SBF2: variants seen among roughly 807,000 people sequenced by gnomAD.
SBF2 encodes SET binding factor 2, also known as myotubularin-related protein 13.
A neutral mutation model predicts 225.2 loss-of-function variants in SBF2; 112 were observed. That is an observed-to-expected ratio of 0.50 (90% confidence interval 0.43 to 0.58). SBF2 has a LOEUF of 0.58. SBF2 is among the 20% of genes least tolerant of loss of function. The probability of loss-of-function intolerance (pLI) is 0.00; values close to 1 mark genes in which losing one functional copy is unlikely to be tolerated. For synonymous variants in SBF2, 763 were observed against 773.3 expected (o/e 0.99, Z 0.22); for missense variants, 1,996 against 2,206.2 (o/e 0.90, Z 1.91).
At chr11:9,959,224 G>T in intron 16 of SBF2, 1 of 776,882 alleles carries the variant, frequency 1.3e-6, no homozygotes, top group Non-Finnish European at 2.4e-6. Flanking sequence ...CATGACCTCA[G>T]CATTAGTCCC....
rs533328520 is a variant in SBF2, at chr11:10,030,205, C to CA, written c.403-331dup. 8.8e-3 allele frequency among the ~76,000 whole-genome samples: 1,346 copies of CA among 152,252 alleles called. 10 individuals carry two copies. The highest frequency in any genetic ancestry group is 0.027 in the South Asian group (131 of 4,820). On this transcript the variant is annotated intron_variant, in intron 4 of 39. Coordinates refer to ENST00000256190, the MANE Select transcript of SBF2 (RefSeq NM_030962.4). ...GTCTGTTAAACTCTAAATCTCAAGA[C>CA]AAAAACTTAGAAATTTTATCTTGTT...
chr11:10,103,676 T>C (rs762963038), intron 2 of SBF2, among the ~76,000 whole-genome samples: 2 of 152,224 alleles, frequency 1.3e-5, no homozygotes, highest in African/African-American at 2.4e-5. Context: ...TCTGATAACT[T>C]TGAAGATGGC....
At chr11:9,930,083 C>T (rs1864371118) in intron 16 of SBF2, among the ~76,000 whole-genome samples, 1 of 151,876 alleles carries the variant, frequency 6.6e-6, no homozygotes, top group South Asian at 2.1e-4. Context: ...CAGCAAACAA[C>T]CATGGCACAC....
At chr11:10,052,320 AC>A (rs1950093740) in intron 2 of SBF2, among the ~76,000 whole-genome samples, 1 of 152,172 alleles carries the variant, frequency 6.6e-6, no homozygotes, top group Non-Finnish European at 1.5e-5. Flanking sequence ...CCGTTTTGAT[AC>A]CTGCATGAGT....
intron 2 of SBF2, among the ~76,000 whole-genome samples, chr11:10,168,826 G>C (rs1376294085): frequency 1.3e-5 from 2 of 152,002 alleles, no homozygotes; most frequent in African/African-American, 4.8e-5. Flanking sequence ...AGAAGTCTCA[G>C]GAAAAACAGT....
chr11:10,036,397 A>G (rs1390681820), intron 3 of SBF2, among the ~76,000 whole-genome samples: 29 of 152,210 alleles, frequency 1.9e-4, no homozygotes, highest in Non-Finnish European at 2.9e-5. Context: ...TGTACCCCAG[A>G]ACTTAAAGTA....
chr11:10,016,444 A>C (rs1351199359), intron 6 of SBF2: 1 of 152,108 alleles, frequency 6.6e-6, no homozygotes, highest in African/African-American at 2.4e-5. Flanking sequence ...TAAATTCTTT[A>C]TTCTTAAATG....
At chr11:9,931,803 C>T (rs944407665) in intron 16 of SBF2, among the ~76,000 whole-genome samples, 12 of 152,162 alleles carry the variant, frequency 7.9e-5, no homozygotes, top group African/African-American at 2.9e-4. Flanking sequence ...CAGAAGTAGG[C>T]TTCAGAAGGT....
intron 32 of SBF2, among the ~76,000 whole-genome samples, chr11:9,797,711 T>G (rs1853212488): frequency 6.6e-6 from 1 of 152,218 alleles, no homozygotes; most frequent in Non-Finnish European, 1.5e-5. Context: ...GGCTCACGCC[T>G]GTAATCCCAG....
intron 6 of SBF2, among the ~76,000 whole-genome samples, chr11:10,009,884 A>G (rs1310685523): frequency 6.6e-6 from 1 of 152,166 alleles, no homozygotes; most frequent in African/African-American, 2.4e-5. Flanking sequence ...AGTGTAAAAG[A>G]ATTCCTATTT....
At chr11:10,010,041 A>G (rs1030270294) in intron 6 of SBF2, among the ~76,000 whole-genome samples, 6 of 152,168 alleles carry the variant, frequency 3.9e-5, no homozygotes, top group African/African-American at 1.4e-4. Flanking sequence ...GGACACATAA[A>G]TGCCTTCCTT....
chr11:10,122,490 C>G (rs1953516320), intron 2 of SBF2, among the ~76,000 whole-genome samples: 1 of 152,164 alleles, frequency 6.6e-6, no homozygotes, highest in Non-Finnish European at 1.5e-5. Context: ...AATTATGAGA[C>G]TTTTCCAACA....
chr11:10,055,047 G>A (rs1950202869), intron 2 of SBF2, among the ~76,000 whole-genome samples: 1 of 151,950 alleles, frequency 6.6e-6, no homozygotes, highest in Non-Finnish European at 1.5e-5. Flanking sequence ...AACTATAGGC[G>A]TGCACCACCA....
chr11:10,016,986 A>G (rs569904571), intron 6 of SBF2: 4 of 152,338 alleles, frequency 2.6e-5, no homozygotes, highest in Admixed American at 2.0e-4. Context: ...AAAGCTGCAC[A>G]ATAACACGGG....
intron 2 of SBF2, among the ~76,000 whole-genome samples, chr11:10,193,136 T>G (rs548377876): frequency 1.3e-5 from 2 of 152,268 alleles, no homozygotes; most frequent in South Asian, 4.1e-4. Context: ...GATTTTAAGA[T>G]CAAATTCAAG....
intron 2 of SBF2, among the ~76,000 whole-genome samples, chr11:10,055,524 T>TACACAC (rs3993326): frequency 1.1e-3 from 153 of 133,850 alleles, no homozygotes; most frequent in East Asian, 8.1e-3. Context: ...AAGAAAATGA[T>TACACAC]ACACACACAC....
intron 16 of SBF2, chr11:9,958,818 C>A: frequency 1.8e-6 from 1 of 564,028 alleles, no homozygotes; most frequent in South Asian, 1.7e-5. Flanking sequence ...GAAAATGGGT[C>A]ACAGTCGGCA....
intron 3 of SBF2, among the ~76,000 whole-genome samples, chr11:10,039,080 A>G (rs1384493658): frequency 6.6e-6 from 1 of 151,838 alleles, no homozygotes; most frequent in Admixed American, 6.6e-5. Flanking sequence ...TGTATCTTGG[A>G]AAGATAACAG....
chr11:10,113,494 A>G (rs1952978551), intron 2 of SBF2, among the ~76,000 whole-genome samples: 1 of 152,196 alleles, frequency 6.6e-6, no homozygotes, highest in Non-Finnish European at 1.5e-5. Flanking sequence ...ACTTCTAAAT[A>G]TTTTAAAAAC....
Sources: allele counts gnomAD v4.1 joint callset (sites outside exome capture counted in the v4.1 genomes callset), GRCh38; gene constraint gnomAD v4.1.1; transcripts MANE v1.5; gene names NCBI Gene and HGNC (gene_info 2026-07-23, HGNC 2026-07-21).